The following ADD3 variants were observed in gnomAD, a reference collection of about 807,000 sequenced individuals.
The protein encoded by ADD3 is gamma-adducin.
Under a neutral mutation model 80.2 loss-of-function variants are expected in ADD3, and 25 were observed. That is an observed-to-expected ratio of 0.31 (90% CI 0.23 to 0.44). ADD3 has a LOEUF of 0.44. ADD3 is among the 20% of genes least tolerant of loss of function. ADD3 has a pLI of 1.00. For synonymous variants in ADD3, 284 were observed against 289.6 expected, an observed-to-expected ratio of 0.98 and a Z score of 0.20; for missense variants, 829 against 847.5, an observed-to-expected ratio of 0.98 and a Z score of 0.27.
intron 1 of ADD3, among the ~76,000 whole-genome samples, chr10:110,010,438 T>A (rs895853069): frequency 6.6e-6 from 1 of 152,178 alleles, no homozygotes; most frequent in African/African-American, 2.4e-5. Context: ...GTGTAGCGTG[T>A]TGGGGAACAG....
intron 1 of ADD3, chr10:110,075,481 T>G (rs1343985786): frequency 2.0e-5 from 3 of 152,232 alleles, no homozygotes; most frequent in African/African-American, 7.2e-5. Flanking sequence ...GAATGTGCAG[T>G]ATCAATTTTC....
At chr10:110,024,368 A>G (rs1854035898) in intron 1 of ADD3, among the ~76,000 whole-genome samples, 1 of 152,206 alleles carries the variant, frequency 6.6e-6, no homozygotes, top group African/African-American at 2.4e-5. Context: ...TTATTGCCAA[A>G]AAAAATCACA....
upstream of ADD3, among the ~76,000 whole-genome samples, chr10:110,005,572 G>A (rs186381223): frequency 3.9e-5 from 6 of 152,050 alleles, no homozygotes; most frequent in East Asian, 9.7e-4. Flanking sequence ...ATTTTAGTAC[G>A]ATGTTGAATA....
chr10:110,015,568 G>T (rs1028595621), intron 1 of ADD3, among the ~76,000 whole-genome samples: 3 of 151,872 alleles, frequency 2.0e-5, no homozygotes, highest in African/African-American at 7.3e-5. Flanking sequence ...TGGAGACAGG[G>T]TTTTACCATG....
At chr10:110,025,956 A>C (rs1400183533) in intron 1 of ADD3, among the ~76,000 whole-genome samples, 2 of 152,074 alleles carry the variant, frequency 1.3e-5, no homozygotes, top group Non-Finnish European at 2.9e-5. Flanking sequence ...AATTTGGGAA[A>C]GTTTTGTGAA....
At chr10:110,000,549 T>A (rs1851465470) in intron 1 of ADD3, among the ~76,000 whole-genome samples, 1 of 152,246 alleles carries the variant, frequency 6.6e-6, no homozygotes, top group Non-Finnish European at 1.5e-5. Flanking sequence ...AATAGGGAAA[T>A]TATTACATTC....
At chr10:110,041,197 A>G (rs1856319306) in intron 1 of ADD3, among the ~76,000 whole-genome samples, 1 of 152,234 alleles carries the variant, frequency 6.6e-6, no homozygotes, top group African/African-American at 2.4e-5. Context: ...AGAGATCTGG[A>G]GCACAAGCTA....
At chr10:110,026,123 G>C (rs1421493800) in intron 1 of ADD3, among the ~76,000 whole-genome samples, 2 of 152,084 alleles carry the variant, frequency 1.3e-5, no homozygotes, top group African/African-American at 4.8e-5. Context: ...ACATTATATA[G>C]AAAATTCAGA....
intron 1 of ADD3, among the ~76,000 whole-genome samples, chr10:110,029,075 C>T (rs1284582872): frequency 6.6e-6 from 1 of 152,162 alleles, no homozygotes; most frequent in Non-Finnish European, 1.5e-5. Flanking sequence ...GACAGGGTTT[C>T]TCCATGTTGG....
upstream of ADD3, among the ~76,000 whole-genome samples, chr10:110,001,576 A>G (rs535715522): frequency 6.6e-6 from 1 of 152,310 alleles, no homozygotes; most frequent in Non-Finnish European, 1.5e-5. Flanking sequence ...TTCTGTCTAC[A>G]CAGTGCATTG....
chr10:110,128,475 G>A (rs957094330), intron 12 of ADD3, among the ~76,000 whole-genome samples: 1 of 151,816 alleles, frequency 6.6e-6, no homozygotes, highest in African/African-American at 2.4e-5. Context: ...GAGTGCAGTG[G>A]CGCGATCTTG....
At chr10:110,061,383 G>A (rs916253699) in intron 1 of ADD3, among the ~76,000 whole-genome samples, 10 of 152,198 alleles carry the variant, frequency 6.6e-5, no homozygotes, top group Non-Finnish European at 1.3e-4. Context: ...TGGTTTCTGT[G>A]TATGTCCCCT....
intron 1 of ADD3, among the ~76,000 whole-genome samples, chr10:110,078,942 CAT>C (rs1185059926): frequency 6.6e-6 from 1 of 152,066 alleles, no homozygotes; most frequent in African/African-American, 2.4e-5. Flanking sequence ...AATAGAAAAT[CAT>C]AGTTAATATC....
chr10:110,126,527 C>CT, intron 12 of ADD3, 24 bp downstream of exon 12: 1 of 1,525,438 alleles, frequency 6.6e-7, no homozygotes, highest in South Asian at 1.2e-5. Context: ...GTAGTATGAT[C>CT]TTTGTTTTTT....
At chr10:110,107,560 A>T (rs1294723853) in intron 2 of ADD3, among the ~76,000 whole-genome samples, 1 of 152,028 alleles carries the variant, frequency 6.6e-6, no homozygotes, top group Non-Finnish European at 1.5e-5. Context: ...GAGTCAGTAC[A>T]TTTTCTCATC....
intron 1 of ADD3, among the ~76,000 whole-genome samples, chr10:110,048,736 G>T (rs1407756401): frequency 1.3e-5 from 2 of 152,182 alleles, no homozygotes; most frequent in Non-Finnish European, 2.9e-5. Context: ...TGACTTGGGT[G>T]CTGTTAAAAG....
chr10:110,040,487 T>G (rs963723510), intron 1 of ADD3, among the ~76,000 whole-genome samples: 1 of 152,228 alleles, frequency 6.6e-6, no homozygotes, highest in Non-Finnish European at 1.5e-5. Context: ...AGTACTTAAT[T>G]GCATATTTAA....
rs1170218537 is a variant in ADD3, at chr10:110,135,386, T to G, written c.*1768T>G. 2.0e-5 allele frequency: 3 copies of G among 152,694 alleles called. No homozygotes were observed. The highest frequency in any genetic ancestry group is 4.1e-4 in the South Asian group (2 of 4,838). 9.5% of individuals were successfully genotyped at this position (152,694 alleles called of 1,614,324 possible). ...TGAATGCAATGTGCATAAATATTTT[T>G]TAAACATAACAGTGAACTATTGCAC... On this transcript the variant is annotated 3_prime_UTR_variant, in exon 15 of 15. Coordinates refer to ENST00000356080, the MANE Select transcript of ADD3 (RefSeq NM_016824.5).
chr10:110,116,315 G>A lies in ADD3; in HGVS notation c.391G>A (p.Val131Met), dbSNP rs749722209. 6.2e-7 allele frequency: 1 copy of A among 1,613,976 alleles called. No homozygotes were observed. The highest frequency in any genetic ancestry group is 8.5e-7 in the Non-Finnish European group (1 of 1,180,004). The change falls in exon 4 of 15, where the codon GTG becomes ATG. Residue 131 changes from valine to methionine, a missense_variant. Transcript: ENST00000356080. Reference sequence around the variant, plus strand: ...TCCTGGTGCAGATACATCCTCATATGTGAAGGGAGAAAAACTTACTCGCTG... The same window carrying A: ...TCCTGGTGCAGATACATCCTCATATATGAAGGGAGAAAAACTTACTCGCTG... ...DLPGADTSSY[V>M]KGEKLTRCKL...
Sources: allele counts gnomAD v4.1 joint callset (sites outside exome capture counted in the v4.1 genomes callset), GRCh38; gene constraint gnomAD v4.1.1; transcripts MANE v1.5; gene names NCBI Gene and HGNC (gene_info 2026-07-23, HGNC 2026-07-21).